DAP3: variants seen among roughly 807,000 people sequenced by gnomAD.
DAP3 encodes small ribosomal subunit protein mS29.
A neutral mutation model predicts 51.9 loss-of-function variants in DAP3; 28 were observed. The observed-to-expected ratio is 0.54, with a 90% confidence interval of 0.40 to 0.74. The LOEUF is 0.74. DAP3 is among the 30% of genes least tolerant of loss of function. The pLI is 0.00. For synonymous variants in DAP3, 170 were observed against 170.3 expected (o/e 1.00, Z 0.01); for missense variants, 458 against 483.5 (o/e 0.95, Z 0.49).
At chr1:155,690,133 TGAG>T (rs1653539294) in intron 1 of DAP3, among the ~76,000 whole-genome samples, 1 of 141,448 alleles carries the variant, frequency 7.1e-6, no homozygotes, top group Non-Finnish European at 1.5e-5. Context: ...TTTAGATTAA[TGAG>T]GATATATTTT....
chr1:155,696,890 C>G (rs72999050), intron 1 of DAP3, among the ~76,000 whole-genome samples: 3,596 of 152,268 alleles, frequency 0.024, 147 homozygotes, highest in African/African-American at 0.082. Context: ...TCTTTTAAAT[C>G]TATAATAACA....
chr1:155,719,257 C>T (rs1657709765), intron 3 of DAP3, among the ~76,000 whole-genome samples: 1 of 139,898 alleles, frequency 7.1e-6, no homozygotes, highest in African/African-American at 2.7e-5. Flanking sequence ...TTTTTTGAGA[C>T]AGAGTTTCAC....
chr1:155,688,393 C>T (rs184679972), upstream of DAP3: 1 of 1,542,528 alleles, frequency 6.5e-7, no homozygotes, highest in Non-Finnish European at 8.8e-7. Context: ...CGCCTAGCGA[C>T]ACCCCCAACC....
chr1:155,688,136 C>T (rs1652817723), upstream of DAP3: 1 of 1,612,728 alleles, frequency 6.2e-7, no homozygotes, highest in Admixed American at 1.7e-5. Flanking sequence ...CGCCAGGCTC[C>T]TCCGCTTCCC....
At chr1:155,713,747 C>T (rs1656996149) in intron 2 of DAP3, among the ~76,000 whole-genome samples, 1 of 152,186 alleles carries the variant, frequency 6.6e-6, no homozygotes, top group Non-Finnish European at 1.5e-5. Context: ...CAAAATTACT[C>T]AGCTTCCCTG....
intron 1 of DAP3, among the ~76,000 whole-genome samples, chr1:155,692,494 C>A (rs562964071): frequency 7.0e-6 from 1 of 142,108 alleles, no homozygotes; most frequent in East Asian, 1.9e-4. Flanking sequence ...TAAACAGGTA[C>A]ACATTAAAGC....
rs1362816967 is a variant in DAP3, at chr1:155,727,616, T to G, written c.481T>G (p.Trp161Gly). ...LILHIPDAHL[W>G]VKNCRDLLQS... ...GCCTCTTTTTTTTAAAGCTCATCTT[T>G]GGGTGAAAAATTGTCGGGATCTTCT... The change falls in exon 7 of 13, where the codon TGG becomes GGG. Residue 161 changes from tryptophan (W) to glycine (G), a missense_variant. Trp to Gly is a radical substitution (Grantham distance 184). Coordinates refer to ENST00000368336, the MANE Select transcript of DAP3 (RefSeq NM_004632.4). 1 of 1,611,768 alleles carries G rather than the reference T, an allele frequency of 6.2e-7. No individual in the cohort carries two copies. The highest frequency in any genetic ancestry group is 8.5e-7 in the Non-Finnish European group (1 of 1,178,922).
intron 12 of DAP3, among the ~76,000 whole-genome samples, chr1:155,737,762 T>C (rs598176): frequency 0.15 from 20,662 of 138,894 alleles, 2,903 homozygotes; most frequent in African/African-American, 0.37. Flanking sequence ...CCATCTCTAT[T>C]GAAAAAAGCA....
intron 6 of DAP3, among the ~76,000 whole-genome samples, chr1:155,726,503 G>T (rs1394248697): frequency 2.6e-5 from 4 of 151,656 alleles, no homozygotes; most frequent in Non-Finnish European, 5.9e-5. Context: ...TGTTGGCCAG[G>T]CTGGTCTCGA....
rs147938133 is a variant in DAP3, at chr1:155,704,359, G to A, written c.-7-5414G>A. 3.9e-5 allele frequency among the ~76,000 whole-genome samples: 6 copies of A among 152,258 alleles called. No individual in the cohort carries two copies. The East Asian group carries it at 9.7e-4, about 25-fold the overall frequency. On this transcript the variant is annotated intron_variant, in intron 1 of 12. Transcript: ENST00000368336. ...TAATAGCTCCAGTGTCCACAGGCAC[G>A]CCTATGGAAAGAAGTGCATCTGGAC...
At chr1:155,721,425 G>C in intron 3 of DAP3, 92 bp from the exon 4 acceptor site, 1 of 763,306 alleles carries the variant, frequency 1.3e-6, no homozygotes, top group South Asian at 2.0e-5. Context: ...TATACACATA[G>C]ACATACATAT....
chr1:155,716,984 A>C, intron 2 of DAP3, 22 bp from the exon 3 acceptor site: 1 of 1,602,386 alleles, frequency 6.2e-7, no homozygotes, highest in Non-Finnish European at 8.5e-7. Context: ...ACCCCGTAAC[A>C]CTGAAATGGT....
intron 6 of DAP3, chr1:155,726,276 G>T: frequency 4.4e-6 from 1 of 227,728 alleles, no homozygotes; most frequent in Non-Finnish European, 8.3e-6. Flanking sequence ...ACACCACCAC[G>T]CCCAGCTAAT....
chr1:155,730,915 G>A (rs1185121080), intron 9 of DAP3, among the ~76,000 whole-genome samples: 3 of 152,116 alleles, frequency 2.0e-5, no homozygotes, highest in East Asian at 1.9e-4. Flanking sequence ...CAGAGGCTAC[G>A]TGGCTTATCC....
At chr1:155,731,146 A>G (rs563225278) in intron 9 of DAP3, among the ~76,000 whole-genome samples, 35 of 152,118 alleles carry the variant, frequency 2.3e-4, no homozygotes, top group Admixed American at 7.9e-4. Context: ...GCGCGCCTAT[A>G]GTCCCAGCTA....
intron 2 of DAP3, 39 bp downstream of exon 2, chr1:155,709,863 C>T: frequency 1.9e-6 from 3 of 1,583,828 alleles, no homozygotes; most frequent in Non-Finnish European, 2.6e-6. Context: ...TGCATACTGC[C>T]TTTAGGTTCC....
upstream of DAP3, chr1:155,689,024 C>T (rs1653245355): frequency 1.3e-6 from 2 of 1,583,340 alleles, no homozygotes; most frequent in African/African-American, 1.3e-5. Flanking sequence ...CCTCTGCCGG[C>T]CGGTGGTTGG....
chr1:155,688,932 C>T (rs775428208), upstream of DAP3: 5 of 1,613,038 alleles, frequency 3.1e-6, no homozygotes, highest in South Asian at 4.4e-5. Context: ...CAACCTACCT[C>T]CCTGGGTTCG....
intron 1 of DAP3, among the ~76,000 whole-genome samples, chr1:155,700,302 T>G (rs976539823): frequency 2.6e-5 from 4 of 152,244 alleles, no homozygotes; most frequent in African/African-American, 9.6e-5. Context: ...AAGTTCTATG[T>G]GATTTGCAAA....
Sources: gnomAD v4.1 joint callset for allele counts (sites outside exome capture counted in the v4.1 genomes callset) on GRCh38, gnomAD v4.1.1 for gene constraint, MANE v1.5 for transcripts, NCBI Gene and HGNC (gene_info 2026-07-23, HGNC 2026-07-21) for gene names.